CDYL2: variants seen among roughly 807,000 people sequenced by gnomAD.
The protein encoded by CDYL2 is chromodomain Y like 2, also known as chromodomain Y-like protein 2.
Under a neutral mutation model 49.4 loss-of-function variants are expected in CDYL2, and 23 were observed. That is an observed-to-expected ratio of 0.47 (90% CI 0.34 to 0.66). The LOEUF (loss-of-function observed/expected upper bound fraction) is 0.66, where lower values mean the gene tolerates loss of function less well. CDYL2 is among the 30% of genes least tolerant of loss of function. The pLI, the probability that CDYL2 is intolerant of heterozygous loss-of-function variation, is 0.01. For missense variants in CDYL2, 678 were observed against 656.4 expected, an observed-to-expected ratio of 1.03 and a Z score of -0.36; for synonymous variants, 360 against 268.8, an observed-to-expected ratio of 1.34 and a Z score of -3.32.
intron 1 of CDYL2, among the ~76,000 whole-genome samples, chr16:80,802,028 T>C (rs1031886206): frequency 7.1e-6 from 1 of 141,006 alleles, no homozygotes; most frequent in African/African-American, 2.9e-5. Flanking sequence ...GTAATTATTA[T>C]TATTGTCCTC....
intron 2 of CDYL2, among the ~76,000 whole-genome samples, chr16:80,673,453 A>G (rs1395848256): frequency 1.3e-5 from 2 of 152,238 alleles, no homozygotes; most frequent in African/African-American, 4.8e-5. Context: ...CGCTTAAATG[A>G]AATAATCTAC....
intron 1 of CDYL2, among the ~76,000 whole-genome samples, chr16:80,774,933 G>T (rs997067864): frequency 6.6e-6 from 1 of 151,388 alleles, no homozygotes. Flanking sequence ...CACCAAGTAG[G>T]ACTTACTCTA....
rs141981063 is a variant in CDYL2 at position 80,767,536 on chromosome 16, T to A, written c.24+36614A>T. 3.0e-3 allele frequency among the ~76,000 whole-genome samples: 456 copies of A among 152,246 alleles called. 1 individual carries two copies. The highest frequency in any genetic ancestry group is 0.01 in the African/African-American group (426 of 41,546). On this transcript the variant is annotated intron_variant, in intron 1 of 6. Coordinates refer to ENST00000570137, the MANE Select transcript of CDYL2 (RefSeq NM_152342.4). ...ATGATCTAAATAAGGGGCCATCAGGTGGTCATAAAATATGAGCACCTAATG... is the reference window on the plus strand; with the variant it reads ...ATGATCTAAATAAGGGGCCATCAGGAGGTCATAAAATATGAGCACCTAATG...
intron 2 of CDYL2, among the ~76,000 whole-genome samples, chr16:80,676,754 G>A (rs944487680): frequency 6.6e-6 from 1 of 152,242 alleles, no homozygotes; most frequent in Non-Finnish European, 1.5e-5. Context: ...TGGAAATCCA[G>A]GTCATACTGA....
At chr16:80,789,626 G>A (rs1198453140) in intron 1 of CDYL2, among the ~76,000 whole-genome samples, 1 of 151,772 alleles carries the variant, frequency 6.6e-6, no homozygotes, top group African/African-American at 2.4e-5. Flanking sequence ...GCACTTCTAT[G>A]TTCATCACTG....
At chr16:80,633,322 T>A in intron 2 of CDYL2, 86 bp from the exon 3 acceptor site, 4 of 1,350,798 alleles carry the variant, frequency 3.0e-6, no homozygotes, top group Non-Finnish European at 4.1e-6. Context: ...GGATTTCCAA[T>A]GGAAAGGTTT....
chr16:80,611,895 C>T (rs557549169), intron 5 of CDYL2, among the ~76,000 whole-genome samples: 3 of 152,348 alleles, frequency 2.0e-5, no homozygotes, highest in East Asian at 1.9e-4. Flanking sequence ...TGGACTCCGC[C>T]GCCTCTGTTG....
intron 2 of CDYL2, among the ~76,000 whole-genome samples, chr16:80,659,655 AAG>A (rs960471593): frequency 1.9e-5 from 2 of 106,606 alleles, no homozygotes; most frequent in Non-Finnish European, 1.7e-5. Context: ...CACACACAGA[AAG>A]AGAGAAAAAA....
chr16:80,800,195 C>G (rs992763418), intron 1 of CDYL2, among the ~76,000 whole-genome samples: 1 of 152,206 alleles, frequency 6.6e-6, no homozygotes, highest in African/African-American at 2.4e-5. Flanking sequence ...AACCACTATG[C>G]TTTCCACTAT....
chr16:80,761,881 T>TAAAA lies in CDYL2; in HGVS notation c.24+42265_24+42268dup, dbSNP rs371781974. Among the ~76,000 whole-genome samples, 4 of 122,510 alleles carry TAAAA rather than the reference T, an allele frequency of 3.3e-5. No homozygotes were observed. The East Asian group carries it at 7.0e-4, about 21-fold the overall frequency. The allele number at this position is 122,510 out of a possible 152,430, so 80.4% of individuals were successfully genotyped here. ...TGTTCAATCTAATAAAGGAGAAAATTAAAAAAAAAAAAAAAAACAAAGACT... is the reference window on the plus strand; with the variant it reads ...TGTTCAATCTAATAAAGGAGAAAATTAAAAAAAAAAAAAAAAAAAAACAAAGACT... On this transcript the variant is annotated intron_variant, in intron 1 of 6. Coordinates refer to ENST00000570137, the MANE Select transcript of CDYL2 (RefSeq NM_152342.4).
Position 80,604,160 on chromosome 16 carries a change from T to C in CDYL2, c.*228A>G. The C allele has an allele frequency of 1.7e-6, 1 of 575,986 alleles. No homozygotes were observed. The highest frequency in any genetic ancestry group is 4.6e-4 in the Middle Eastern group (1 of 2,184). 35.7% of individuals were successfully genotyped at this position (575,986 alleles called of 1,614,324 possible). On this transcript the variant is annotated 3_prime_UTR_variant, in exon 7 of 7. Coordinates refer to ENST00000570137, the MANE Select transcript of CDYL2 (RefSeq NM_152342.4). ...CTGGGAAGATACAGCCTTGGACAGC[T>C]CTCTGGCCAGGAAGGGCAGGGAGGT...
chr16:80,677,604 T>C (rs1185548803), intron 2 of CDYL2, among the ~76,000 whole-genome samples: 1 of 151,892 alleles, frequency 6.6e-6, no homozygotes, highest in African/African-American at 2.4e-5. Flanking sequence ...CTGGGCATGG[T>C]GGCAGGCGCC....
chr16:80,623,000 T>C (rs1331394239), intron 3 of CDYL2, among the ~76,000 whole-genome samples: 1 of 152,122 alleles, frequency 6.6e-6, no homozygotes, highest in Non-Finnish European at 1.5e-5. Context: ...AAAGGTGACT[T>C]TCTCAAAGCA....
At chr16:80,659,623 T>TATATAC (rs1158481603) in intron 2 of CDYL2, among the ~76,000 whole-genome samples, 3 of 150,860 alleles carry the variant, frequency 2.0e-5, no homozygotes, top group Non-Finnish European at 4.4e-5. Context: ...TATGTGTGTC[T>TATATAC]ATATACATAT....
At chr16:80,663,235 G>A (rs368850883) in intron 2 of CDYL2, among the ~76,000 whole-genome samples, 5 of 151,494 alleles carry the variant, frequency 3.3e-5, no homozygotes, top group South Asian at 2.1e-4. Flanking sequence ...GACCAACCCA[G>A]GGGGAGTTCA....
chr16:80,682,618 G>C (rs1001092316), intron 2 of CDYL2, among the ~76,000 whole-genome samples: 5 of 152,194 alleles, frequency 3.3e-5, no homozygotes, highest in African/African-American at 1.2e-4. Context: ...CTTTACTCTT[G>C]GGATTGCCCC....
intron 1 of CDYL2, among the ~76,000 whole-genome samples, chr16:80,783,521 G>A (rs1907338676): frequency 6.6e-6 from 1 of 152,038 alleles, no homozygotes; most frequent in African/African-American, 2.4e-5. Flanking sequence ...ACTGAATCAA[G>A]GACTCAAACA....
intron 1 of CDYL2, among the ~76,000 whole-genome samples, chr16:80,693,311 A>AC (rs1484028329): frequency 1.3e-5 from 2 of 152,234 alleles, no homozygotes; most frequent in Non-Finnish European, 2.9e-5. Context: ...TGGAAGACAC[A>AC]CACAAAACAC....
In CDYL2 at chr16:80,598,402, A is replaced by T. The variant is rs1464769186; in HGVS notation, c.*5986T>A. 4 of 152,220 alleles carry T rather than the reference A, an allele frequency of 2.6e-5. No homozygotes were observed. Among genetic ancestry groups the T allele is most frequent in the Non-Finnish European group, 1.5e-5 (1 of 68,042 alleles). 9.4% of individuals were successfully genotyped at this position (152,220 alleles called of 1,614,324 possible). A position where few individuals can be genotyped will look rare whatever the true frequency, so the allele number is the denominator to read the frequency against. ...ACCAATAGAATACCACTTCTTCAGC[A>T]TCAATCATTTCTCAACTGGTCAATG... On this transcript the variant is annotated 3_prime_UTR_variant, in exon 7 of 7. Transcript: ENST00000570137.
Sources: allele counts gnomAD v4.1 joint callset (sites outside exome capture counted in the v4.1 genomes callset), GRCh38; gene constraint gnomAD v4.1.1; transcripts MANE v1.5; gene names NCBI Gene and HGNC (gene_info 2026-07-23, HGNC 2026-07-21).